The following LRRC66 variants were observed in gnomAD, a reference collection of about 807,000 sequenced individuals.
The protein encoded by LRRC66 is leucine-rich repeat-containing protein 66.
A neutral mutation model predicts 24.6 loss-of-function variants in LRRC66; 29 were observed. That is an observed-to-expected ratio of 1.18 (90% CI 0.88 to 1.61). LRRC66 has a LOEUF of 1.61. Among genes scored for constraint, LRRC66 ranks in the 40% most tolerant of loss-of-function variants. The probability of loss-of-function intolerance (pLI) is 0.00; values close to 1 mark genes in which losing one functional copy is unlikely to be tolerated. For missense variants in LRRC66, 1,124 were observed against 1,058.0 expected (o/e 1.06, Z -0.87); for synonymous variants, 411 against 397.6 (o/e 1.03, Z -0.40).
At chr4:52,015,316 C>G (rs908788555) in intron 2 of LRRC66, among the ~76,000 whole-genome samples, 3 of 151,024 alleles carry the variant, frequency 2.0e-5, no homozygotes, top group African/African-American at 7.3e-5. Flanking sequence ...GATTTCCAGA[C>G]AGAGGGTTTT....
intron 2 of LRRC66, 105 bp from the exon 3 acceptor site, chr4:52,003,497 G>A: frequency 1.1e-6 from 1 of 920,918 alleles, no homozygotes; most frequent in Non-Finnish European, 1.7e-6. Context: ...TCTCAATTGA[G>A]GTATTGTTAA....
At chr4:52,007,704 C>T (rs1736619174) in intron 2 of LRRC66, among the ~76,000 whole-genome samples, 3 of 152,216 alleles carry the variant, frequency 2.0e-5, no homozygotes, top group African/African-American at 7.2e-5. Flanking sequence ...CCCCATCCCA[C>T]TGAGTTGAGT....
At chr4:52,012,831 A>C (rs570802294) in intron 2 of LRRC66, among the ~76,000 whole-genome samples, 1 of 152,328 alleles carries the variant, frequency 6.6e-6, no homozygotes, top group African/African-American at 2.4e-5. Context: ...CAGTTTTATT[A>C]TTTCCAAGAA....
rs969539490 is a variant in LRRC66 at position 51,998,684 on chromosome 4, C to A, written c.667-747G>T. 3.3e-4 allele frequency among the ~76,000 whole-genome samples: 50 copies of A among 152,298 alleles called. No homozygotes were observed. The Middle Eastern group carries it at 0.014, about 41-fold the overall frequency. ...AAGGGGAAAGGGGAACAAGAAGTAT[C>A]CAGTGGCTCTAGAAACAGAGAGCAG... On this transcript the variant is annotated intron_variant, in intron 3 of 4. Coordinates refer to ENST00000682860, the MANE Select transcript of LRRC66 (RefSeq NM_001024611.3).
intron 2 of LRRC66, among the ~76,000 whole-genome samples, chr4:52,004,138 G>A (rs1222536996): frequency 2.0e-5 from 3 of 152,100 alleles, no homozygotes; most frequent in African/African-American, 2.4e-5. Context: ...GAGTGGCTGG[G>A]ATTACAGGCG....
intron 2 of LRRC66, among the ~76,000 whole-genome samples, chr4:52,007,902 T>C (rs1372320034): frequency 6.6e-6 from 1 of 152,200 alleles, no homozygotes; most frequent in Non-Finnish European, 1.5e-5. Context: ...TGTGTAACTT[T>C]CAAGATAATA....
At chr4:51,997,349 A>G (rs188130549) in intron 4 of LRRC66, among the ~76,000 whole-genome samples, 50 of 152,308 alleles carry the variant, frequency 3.3e-4, no homozygotes, top group African/African-American at 1.1e-3. Flanking sequence ...TCTTTAATAG[A>G]TTATTTGTTA....
chr4:51,996,144 C>T lies in LRRC66; in HGVS notation c.878G>A (p.Gly293Asp). ...RSIGSEEANG[G>D]TPQSRISRET... The stretch of plus-strand genomic sequence containing the variant: ...CCTGGAAATCCTGCTCTGGGGAGTG[C>T]CCCCGTTGGCCTCCTCACTCCCTGC... The change falls in exon 5 of 5, where the codon GGC (glycine) becomes GAC (aspartate). Residue 293 changes from glycine (G) to aspartate (D), a missense_variant. Coordinates refer to ENST00000682860, the MANE Select transcript of LRRC66 (RefSeq NM_001024611.3). 1 of 1,610,508 alleles carries T rather than the reference C, an allele frequency of 6.2e-7. No individual in the cohort carries two copies. The highest frequency in any genetic ancestry group is 1.1e-5 in the South Asian group (1 of 90,690).
chr4:51,996,709 G>A (rs1223018138), intron 4 of LRRC66, among the ~76,000 whole-genome samples: 1 of 152,236 alleles, frequency 6.6e-6, no homozygotes, highest in Admixed American at 6.5e-5. Context: ...ATGGCTGTAC[G>A]CATTTACACA....
At chr4:52,018,529 T>A (rs1157650589) in intron 1 of LRRC66, 2 of 985,328 alleles carry the variant, frequency 2.0e-6, no homozygotes, top group East Asian at 1.1e-4. Flanking sequence ...TTTTCATCAC[T>A]GCAGTCTGAA....
In LRRC66 at chr4:51,995,014, G is replaced by A; in HGVS notation, c.2008C>T (p.Pro670Ser). 6.2e-7 allele frequency: 1 copy of A among 1,614,084 alleles called. No individual in the cohort carries two copies. The highest frequency in any genetic ancestry group is 8.5e-7 in the Non-Finnish European group (1 of 1,180,026). ...TCCAGGCCACTGTCCCATCTTGGAGGAAAGACTGATGGGCCTGTGTCTCTT... is the reference window on the plus strand; with the variant it reads ...TCCAGGCCACTGTCCCATCTTGGAGAAAAGACTGATGGGCCTGTGTCTCTT... ...DPRDTGPSVF[P>S]PRWDSGLDVT... The change falls in exon 5 of 5, where the codon CCT becomes TCT. Residue 670 changes from proline to serine, a missense_variant. Pro to Ser is a moderately conservative substitution (Grantham distance 74). Transcript: ENST00000682860.
chr4:52,005,095 T>A (rs1578114961), intron 2 of LRRC66, among the ~76,000 whole-genome samples: 1 of 152,336 alleles, frequency 6.6e-6, no homozygotes, highest in East Asian at 1.9e-4. Flanking sequence ...CAGTGTTTGA[T>A]AGAATATAGT....
At position 51,995,714 on chromosome 4, in the gene LRRC66, T is replaced by C; in HGVS notation, c.1308A>G (p.Pro436=). The C allele has an allele frequency of 6.2e-7, 1 of 1,614,154 alleles. No homozygotes were observed. Among genetic ancestry groups the C allele is most frequent in the Non-Finnish European group, 8.5e-7 (1 of 1,180,030 alleles). The change falls in exon 5 of 5, where the codon CCA becomes CCG. Residue 436 remains proline, a synonymous_variant. Coordinates refer to ENST00000682860, the MANE Select transcript of LRRC66 (RefSeq NM_001024611.3). ...CTTGGCGCAGATGGGTCTCTGGGTG[T>C]GGTGTGTGCCCCGCAGCTTCCATGT... ...YDDMEAAGHT[P]HPETHLRQVF... is the part of the protein sequence containing the mutation.
chr4:52,015,584 C>T (rs1736790422), intron 2 of LRRC66, among the ~76,000 whole-genome samples: 9 of 152,182 alleles, frequency 5.9e-5, no homozygotes, highest in Admixed American at 5.9e-4. Context: ...CTAATGGGGG[C>T]TCAGAATCGG....
Position 51,995,501 on chromosome 4 carries a change from GGAATA to G in LRRC66, c.1516_1520del (p.Tyr506HisfsTer10), listed in dbSNP as rs777194801. 394 of 1,614,046 alleles carry G rather than the reference GGAATA, an allele frequency of 2.4e-4. No individual in the cohort carries two copies. The highest frequency in any genetic ancestry group is 3.3e-4 in the Non-Finnish European group (384 of 1,180,038). On this transcript the variant is annotated frameshift_variant, in exon 5 of 5. Coordinates refer to ENST00000682860, the MANE Select transcript of LRRC66 (RefSeq NM_001024611.3). LOFTEE classifies it low-confidence loss of function (END_TRUNC). Reference sequence around the variant, plus strand: ...CGGCATGTGGATGTCTCTGGAGAATGGAATAGACTGCACCATCATTTCCACTTCCT... The same window carrying G: ...CGGCATGTGGATGTCTCTGGAGAATGGACTGCACCATCATTTCCACTTCCT...
rs1736847100 is a variant in LRRC66, at chr4:52,017,561, G to C, written c.53C>G (p.Thr18Ser). 2 of 1,607,584 alleles carry C rather than the reference G, an allele frequency of 1.2e-6. No homozygotes were observed. The highest frequency in any genetic ancestry group is 1.7e-6 in the Non-Finnish European group (2 of 1,177,742). Residue 18 changes from threonine to serine, a missense_variant, in exon 2 of 5, where the codon ACT becomes AGT. Thr to Ser is a moderately conservative substitution (Grantham distance 58). Coordinates refer to ENST00000682860, the MANE Select transcript of LRRC66 (RefSeq NM_001024611.3). The stretch of plus-strand genomic sequence containing the variant: ...TCTTGATGCATTTGTCATTATTCCA[G>C]TAAAATAAAGACCTATAACTATGGT... ...VITIVIGLYF[T>S]GIMTNASRKS...
At chr4:51,997,038 T>C (rs1335975679) in intron 4 of LRRC66, among the ~76,000 whole-genome samples, 1 of 152,260 alleles carries the variant, frequency 6.6e-6, no homozygotes, top group Non-Finnish European at 1.5e-5. Flanking sequence ...GGCATGGCCA[T>C]GTTCCTACTT....
In LRRC66 at chr4:51,994,420, T is replaced by C. The variant is rs981164470; in HGVS notation, c.2602A>G (p.Lys868Glu). 6.8e-6 allele frequency: 11 copies of C among 1,613,790 alleles called. No individual in the cohort carries two copies. The Admixed American group carries it at 1.2e-4, about 17-fold the overall frequency. ...GAGTCTCTTTCATGGAAGGCAGCCTTATCAGGATCTGAGGGAACTTCAGCA... is the reference window on the plus strand; with the variant it reads ...GAGTCTCTTTCATGGAAGGCAGCCTCATCAGGATCTGAGGGAACTTCAGCA... ...CSAEVPSDPD[K>E]AAFHERDSDI... Residue 868 changes from lysine (K) to glutamate (E), a missense_variant, in exon 5 of 5, where the codon AAG becomes GAG. Lys to Glu is a moderately conservative substitution (Grantham distance 56). Transcript: ENST00000682860.
chr4:51,996,133 TCTGG>T lies in LRRC66; in HGVS notation c.885_888del (p.Gln296AlafsTer17), dbSNP rs561996957. The T allele has an allele frequency of 6.2e-7, 1 of 1,613,510 alleles. No individual in the cohort carries two copies. Among genetic ancestry groups the T allele is most frequent in the Non-Finnish European group, 8.5e-7 (1 of 1,179,678 alleles). On this transcript the variant is annotated frameshift_variant, in exon 5 of 5. Coordinates refer to ENST00000682860, the MANE Select transcript of LRRC66 (RefSeq NM_001024611.3). LOFTEE classifies it low-confidence loss of function (END_TRUNC). ...AGGCGGGTTTCCCTGGAAATCCTGC[TCTGG>T]GGAGTGCCCCCGTTGGCCTCCTCAC...
Sources: gnomAD v4.1 joint callset for allele counts (sites outside exome capture counted in the v4.1 genomes callset) on GRCh38, gnomAD v4.1.1 for gene constraint, MANE v1.5 for transcripts, NCBI Gene and HGNC (gene_info 2026-07-23, HGNC 2026-07-21) for gene names.